Variants in ABCG2 observed in about 807,000 individuals in gnomAD.
ABCG2 encodes the protein broad substrate specificity ATP-binding cassette transporter ABCG2.
A neutral mutation model predicts 73.5 loss-of-function variants in ABCG2; 80 were observed. The observed-to-expected ratio is 1.09, with a 90% CI of 0.91 to 1.31. The LOEUF is 1.31. ABCG2 is among the 50% of genes most tolerant of loss of function. The pLI, the probability that ABCG2 is intolerant of heterozygous loss-of-function variation, is 0.00. For missense variants in ABCG2, 796 were observed against 786.2 expected, an observed-to-expected ratio of 1.01 and a Z score of -0.15; for synonymous variants, 269 against 282.4, an observed-to-expected ratio of 0.95 and a Z score of 0.48.
At chr4:88,159,075 C>T, upstream of ABCG2, 2 of 452,646 alleles carry the variant, frequency 4.4e-6, no homozygotes, top group Non-Finnish European at 8.9e-6. Context: ...CACCGCCCTC[C>T]CTCGGGGCTA....
chr4:88,195,460 G>A (rs1218305331), intron 1 of ABCG2, among the ~76,000 whole-genome samples: 2 of 152,124 alleles, frequency 1.3e-5, no homozygotes, highest in African/African-American at 2.4e-5. Flanking sequence ...TCCTAGTCAC[G>A]TGGCACCAAA....
chr4:88,215,854 G>A (rs1035473297), intron 1 of ABCG2, among the ~76,000 whole-genome samples: 8 of 152,190 alleles, frequency 5.3e-5, no homozygotes, highest in Non-Finnish European at 1.0e-4. Context: ...AACCTAACTC[G>A]AGTTGCCAAA....
At chr4:88,156,265 C>T (rs1560723580) in intron 1 of ABCG2, among the ~76,000 whole-genome samples, 1 of 145,784 alleles carries the variant, frequency 6.9e-6, no homozygotes, top group Non-Finnish European at 1.5e-5. Flanking sequence ...ATCCCAGCTA[C>T]TTGGTAGGCT....
intron 1 of ABCG2, among the ~76,000 whole-genome samples, chr4:88,149,024 G>C (rs908129740): frequency 6.6e-6 from 1 of 152,086 alleles, no homozygotes; most frequent in Non-Finnish European, 1.5e-5. Context: ...ACAAAAATCT[G>C]CAGGAATTCT....
intron 1 of ABCG2, among the ~76,000 whole-genome samples, chr4:88,146,539 C>T (rs905585743): frequency 2.0e-5 from 3 of 152,148 alleles, no homozygotes; most frequent in Non-Finnish European, 2.9e-5. Flanking sequence ...GGACTACAGG[C>T]GCCCACCACC....
chr4:88,205,554 T>C (rs1043439500), intron 1 of ABCG2, among the ~76,000 whole-genome samples: 6 of 152,236 alleles, frequency 3.9e-5, no homozygotes, highest in African/African-American at 1.4e-4. Flanking sequence ...ATAAAGTTAC[T>C]CTTATCCTTT....
intron 1 of ABCG2, among the ~76,000 whole-genome samples, chr4:88,155,264 A>C (rs1040571420): frequency 1.4e-4 from 22 of 152,128 alleles, no homozygotes; most frequent in Non-Finnish European, 2.9e-5. Flanking sequence ...GTTTTGTAGA[A>C]GGTGTTGGGG....
chr4:88,153,543 G>A (rs1343621430), intron 1 of ABCG2, among the ~76,000 whole-genome samples: 2 of 144,122 alleles, frequency 1.4e-5, no homozygotes, highest in Admixed American at 7.3e-5. Flanking sequence ...ATTGAGGATG[G>A]TAAGGGATAT....
rs70957302 is a variant in ABCG2, at chr4:88,125,607, C to CAAAAAAAAA, written c.532-3824_532-3816dup. On this transcript the variant is annotated intron_variant, in intron 5 of 15. Transcript: ENST00000237612. ...TGGGCAACAGAGCAAGACTCTGTCT[C>CAAAAAAAAA]AAAAAAAAAAAAAAAAAAAAAAAAA... Among the ~76,000 whole-genome samples the CAAAAAAAAA allele has an allele frequency of 4.5e-3, 156 of 34,986 alleles. 18 individuals are homozygous for CAAAAAAAAA. The highest frequency in any genetic ancestry group is 0.023 in the East Asian group (21 of 898). The allele number at this position is 34,986 out of a possible 152,430, so 23.0% of individuals were successfully genotyped here.
intron 6 of ABCG2, among the ~76,000 whole-genome samples, chr4:88,121,175 G>A (rs1723941136): frequency 6.6e-6 from 1 of 152,086 alleles, no homozygotes; most frequent in African/African-American, 2.4e-5. Context: ...AGCAAAATGG[G>A]AGACTCACAA....
intron 1 of ABCG2, among the ~76,000 whole-genome samples, chr4:88,204,069 T>A (rs1330748148): frequency 1.5e-4 from 23 of 152,194 alleles, no homozygotes; most frequent in Admixed American, 1.4e-3. Flanking sequence ...AGTTTTCTTT[T>A]CTTCAAGTAG....
chr4:88,226,786 T>C (rs1242540624), intron 1 of ABCG2: 1 of 152,394 alleles, frequency 6.6e-6, no homozygotes, highest in Non-Finnish European at 1.5e-5. Context: ...GCTTGGCCCC[T>C]GGGCAAGGAT....
chr4:88,139,776 C>A lies in ABCG2; in HGVS notation c.203+17G>T. 6.2e-7 allele frequency: 1 copy of A among 1,603,968 alleles called. No individual in the cohort carries two copies. The highest frequency in any genetic ancestry group is 1.1e-5 in the South Asian group (1 of 89,468). The stretch of plus-strand genomic sequence containing the variant: ...GGTAAATTAAAAAGCTGTCTTTTTA[C>A]AAGTTCATGTACATACTTGATATTC... On this transcript the variant is annotated intron_variant, in intron 2 of 15. Transcript: ENST00000237612.
chr4:88,215,041 A>AT (rs1729759447), intron 1 of ABCG2, among the ~76,000 whole-genome samples: 1 of 152,148 alleles, frequency 6.6e-6, no homozygotes, highest in African/African-American at 2.4e-5. Context: ...TCAGTGAGCC[A>AT]TAATTATGTC....
At chr4:88,104,789 AAAAC>A (rs1303945287) in intron 10 of ABCG2, among the ~76,000 whole-genome samples, 1 of 152,204 alleles carries the variant, frequency 6.6e-6, no homozygotes, top group Non-Finnish European at 1.5e-5. Context: ...TTCTGTTTCA[AAAAC>A]AAACAAATTA....
chr4:88,117,975 C>A (rs1723707863), intron 7 of ABCG2, 134 bp downstream of exon 7: 2 of 843,778 alleles, frequency 2.4e-6, no homozygotes, highest in South Asian at 4.4e-5. Context: ...CCAAATGGAA[C>A]AAACACATTT....
intron 1 of ABCG2, among the ~76,000 whole-genome samples, chr4:88,146,916 AAGGAAGGAAGAAGGAAGGAAGGGAGGG>A (rs1726047097): frequency 7.3e-6 from 1 of 137,510 alleles, no homozygotes. Context: ...GGAAGGAAGG[AAGGAAGGAAGAAGGAAGGAAGGGAGGG>A]AGGAAGGGAG....
chr4:88,162,033 T>A (rs1405218132), upstream of ABCG2, among the ~76,000 whole-genome samples: 1 of 152,118 alleles, frequency 6.6e-6, no homozygotes, highest in Non-Finnish European at 1.5e-5. Flanking sequence ...GTTTTTTTCT[T>A]GTAAATTTGT....
intron 1 of ABCG2, among the ~76,000 whole-genome samples, chr4:88,172,968 T>G (rs933324989): frequency 6.6e-6 from 1 of 152,194 alleles, no homozygotes; most frequent in African/African-American, 2.4e-5. Context: ...AAGGGTAGCT[T>G]AATTGCCTGG....
Sources: allele counts gnomAD v4.1 joint callset (sites outside exome capture counted in the v4.1 genomes callset), GRCh38; gene constraint gnomAD v4.1.1; transcripts MANE v1.5; gene names NCBI Gene and HGNC (gene_info 2026-07-23, HGNC 2026-07-21).